RIC8B: variants seen among roughly 807,000 people sequenced by gnomAD.
The protein encoded by RIC8B is RIC8 guanine nucleotide exchange factor B, also known as chaperone Ric-8B.
RIC8B carries 16 observed loss-of-function variants against 57.5 expected under a neutral mutation model. The observed-to-expected ratio is 0.28, with a 90% CI of 0.19 to 0.42. The LOEUF is 0.42. RIC8B is among the 10% of genes least tolerant of loss of function. The pLI, the probability that RIC8B is intolerant of heterozygous loss-of-function variation, is 1.00. For synonymous variants in RIC8B, 216 were observed against 250.8 expected (o/e 0.86, Z 1.31); for missense variants, 481 against 677.0 (o/e 0.71, Z 3.21).
chr12:106,835,286 A>C (rs2136380876), intron 4 of RIC8B, among the ~76,000 whole-genome samples: 1 of 152,242 alleles, frequency 6.6e-6, no homozygotes, highest in Non-Finnish European at 1.5e-5. Context: ...TTCTGGTCTT[A>C]TTACCTACTA....
intron 4 of RIC8B, among the ~76,000 whole-genome samples, chr12:106,839,941 C>T (rs2046794256): frequency 6.6e-6 from 1 of 152,030 alleles, no homozygotes; most frequent in African/African-American, 2.4e-5. Flanking sequence ...TCATTTGAGC[C>T]CGGGAAGTCA....
chr12:106,856,525 G>A (rs552486909), intron 7 of RIC8B, among the ~76,000 whole-genome samples: 31 of 152,268 alleles, frequency 2.0e-4, no homozygotes, highest in African/African-American at 6.7e-4. Flanking sequence ...CCTCATCTTT[G>A]TTACCATGGC....
chr12:106,873,666 G>A (rs1950542522), intron 9 of RIC8B, among the ~76,000 whole-genome samples: 1 of 152,152 alleles, frequency 6.6e-6, no homozygotes, highest in South Asian at 2.1e-4. Flanking sequence ...TCTGCCTTTG[G>A]AAAACTCACA....
intron 2 of RIC8B, among the ~76,000 whole-genome samples, chr12:106,813,746 T>C (rs1226818275): frequency 6.6e-6 from 1 of 152,126 alleles, no homozygotes; most frequent in East Asian, 1.9e-4. Flanking sequence ...TTGGTAATAG[T>C]AGTTGTTGTT....
At chr12:106,817,545 C>T (rs896336489) in intron 3 of RIC8B, among the ~76,000 whole-genome samples, 3 of 152,110 alleles carry the variant, frequency 2.0e-5, no homozygotes, top group Middle Eastern at 3.4e-3. Context: ...CTCGGCCAGG[C>T]GTGGTGGCTC....
chr12:106,878,307 A>G (rs930166859), intron 9 of RIC8B, among the ~76,000 whole-genome samples: 1 of 152,154 alleles, frequency 6.6e-6, no homozygotes, highest in Non-Finnish European at 1.5e-5. Flanking sequence ...AAAGGTTATA[A>G]TATTATTGCT....
chr12:106,860,238 C>A, intron 7 of RIC8B, 30 bp from the exon 8 acceptor site: 1 of 1,513,684 alleles, frequency 6.6e-7, no homozygotes, highest in Non-Finnish European at 8.8e-7. Flanking sequence ...CCCAAGGATT[C>A]CTATCTAAAA....
intron 2 of RIC8B, among the ~76,000 whole-genome samples, chr12:106,786,632 A>G (rs2044042351): frequency 6.6e-6 from 1 of 152,180 alleles, no homozygotes; most frequent in Admixed American, 6.5e-5. Flanking sequence ...ATTGAACCCC[A>G]AGTAAGCAAA....
intron 6 of RIC8B, among the ~76,000 whole-genome samples, chr12:106,844,939 C>A (rs1029719420): frequency 6.6e-6 from 1 of 152,110 alleles, no homozygotes; most frequent in Non-Finnish European, 1.5e-5. Context: ...CCTCTAAAAT[C>A]CCAATTTCAA....
In RIC8B at chr12:106,886,122, C is replaced by A; in HGVS notation, c.*107C>A. On this transcript the variant is annotated 3_prime_UTR_variant, in exon 10 of 10. Transcript: ENST00000392837. ...TTTATGCCCTTGCTTTGGCTAGAAA[C>A]ACATTAACTGGTTTACTCATTGAGA... 1 of 772,724 alleles carries A rather than the reference C, an allele frequency of 1.3e-6. No homozygotes were observed. The highest frequency in any genetic ancestry group is 2.2e-6 in the Non-Finnish European group (1 of 461,200). The allele number at this position is 772,724 out of a possible 1,614,324, so 47.9% of individuals were successfully genotyped here. A position where few individuals can be genotyped will look rare whatever the true frequency, so the allele number is the denominator to read the frequency against.
At chr12:106,794,584 A>C (rs1236156519) in intron 2 of RIC8B, among the ~76,000 whole-genome samples, 1 of 152,230 alleles carries the variant, frequency 6.6e-6, no homozygotes, top group African/African-American at 2.4e-5. Flanking sequence ...TAAGATTCAC[A>C]GCTGACTTAT....
rs139592266 is a variant in RIC8B at position 106,884,409 on chromosome 12, C to T, written c.1572-1495C>T. ...CAATTAATCCAGATGTGGTGGGCTG[C>T]AAAGATCACTGGACTAGGATTCAGG... On this transcript the variant is annotated intron_variant, in intron 9 of 9. Transcript: ENST00000392837. Among the ~76,000 whole-genome samples the T allele has an allele frequency of 3.1e-4, 47 of 152,234 alleles. 1 individual carries two copies. Among genetic ancestry groups the T allele is most frequent in the East Asian group, 2.1e-3 (11 of 5,172 alleles).
Position 106,860,346 on chromosome 12 carries a change from G to A in RIC8B, c.1385G>A (p.Arg462Lys), listed in dbSNP as rs1317037578. The change falls in exon 8 of 10, where the codon AGA (arginine) becomes AAA (lysine). Residue 462 changes from arginine (R) to lysine (K), a missense_variant. Arg to Lys is a conservative substitution (Grantham distance 26). Around this residue, in one of 3 missense-constraint regions of RIC8B, gnomAD observed 421 missense variants for 560.9 expected, o/e 0.75. Transcript: ENST00000392837. ...LAARGLLAGG[R>K]GDNWYSEDED... ...GCCAGGGGCCTCTTGGCTGGAGGAA[G>A]AGGAGATAATTGGTACTCAGAGGAT... 11 of 1,608,494 alleles carry A rather than the reference G, an allele frequency of 6.8e-6. No individual in the cohort carries two copies. Among genetic ancestry groups the A allele is most frequent in the Non-Finnish European group, 9.3e-6 (11 of 1,177,242 alleles).
At chr12:106,816,548 T>C (rs2045583603) in intron 3 of RIC8B, among the ~76,000 whole-genome samples, 1 of 152,232 alleles carries the variant, frequency 6.6e-6, no homozygotes, top group South Asian at 2.1e-4. Flanking sequence ...ATTTGGTACC[T>C]TCTATGGTTA....
rs1223225349 is a variant in RIC8B at position 106,867,684 on chromosome 12, A to G, written c.1452-3139A>G. The stretch of plus-strand genomic sequence containing the variant: ...CCTTTCTGGGTAGGGAAACTACATG[A>G]GACTCTGGTTTGAAGTGGGGAGCGG... On this transcript the variant is annotated intron_variant, in intron 8 of 9. Coordinates refer to ENST00000392837, the MANE Select transcript of RIC8B (RefSeq NM_001330145.2). The surrounding 1 kb of genome is among the most constrained non-coding windows in gnomAD (Gnocchi z 4.3). 6.6e-6 allele frequency among the ~76,000 whole-genome samples: 1 copy of G among 152,122 alleles called. No individual in the cohort carries two copies. The highest frequency in any genetic ancestry group is 1.5e-5 in the Non-Finnish European group (1 of 68,016).
intron 8 of RIC8B, among the ~76,000 whole-genome samples, chr12:106,860,914 A>G (rs1329709101): frequency 6.6e-6 from 1 of 152,168 alleles, no homozygotes. Flanking sequence ...AATTTTAATC[A>G]AACAAACATA....
Position 106,887,765 on chromosome 12 carries a change from G to A in RIC8B, c.*1750G>A, listed in dbSNP as rs1951240068. 6.6e-6 allele frequency: 1 copy of A among 152,246 alleles called. No homozygotes were observed. The highest frequency in any genetic ancestry group is 1.5e-5 in the Non-Finnish European group (1 of 68,046). The allele number at this position is 152,246 out of a possible 1,614,324, so 9.4% of individuals were successfully genotyped here. A position where few individuals can be genotyped will look rare whatever the true frequency, so the allele number is the denominator to read the frequency against. ...TTCAAGACATAGCAAATCTGGGACT[G>A]TCTACTTACCAAAGGATACTCTAGT... is the stretch of plus-strand genomic sequence containing the variant. On this transcript the variant is annotated 3_prime_UTR_variant, in exon 10 of 10. Coordinates refer to ENST00000392837, the MANE Select transcript of RIC8B (RefSeq NM_001330145.2).
intron 2 of RIC8B, among the ~76,000 whole-genome samples, chr12:106,785,813 C>CTCTCTGTGTG (rs1376526047): frequency 8.1e-6 from 1 of 123,852 alleles, no homozygotes; most frequent in African/African-American, 3.1e-5. Flanking sequence ...CTCTCTCTCT[C>CTCTCTGTGTG]TGTGTGTGTG....
intron 6 of RIC8B, among the ~76,000 whole-genome samples, chr12:106,851,212 G>A (rs1949459289): frequency 6.6e-6 from 1 of 151,722 alleles, no homozygotes; most frequent in South Asian, 2.1e-4. Context: ...AGGATAGTGT[G>A]ATGATACAGT....
Sources: allele counts gnomAD v4.1 joint callset (sites outside exome capture counted in the v4.1 genomes callset), GRCh38; gene constraint gnomAD v4.1.1; regional missense constraint gnomAD v4.1.1; non-coding constraint Gnocchi (gnomAD v3.1); transcripts MANE v1.5; gene names NCBI Gene and HGNC (gene_info 2026-07-23, HGNC 2026-07-21).